Variants in DSCAM observed in about 807,000 individuals in gnomAD.
The protein encoded by DSCAM is cell adhesion molecule DSCAM.
DSCAM carries 47 observed loss-of-function variants against 217.7 expected under a neutral mutation model. The observed-to-expected ratio is 0.22, with a 90% CI of 0.17 to 0.28. The LOEUF is 0.28. DSCAM is among the 10% of genes least tolerant of loss of function. The pLI, the probability that DSCAM is intolerant of heterozygous loss-of-function variation, is 1.00. For synonymous variants in DSCAM, 1,056 were observed against 1,015.3 expected (o/e 1.04, Z -0.76); for missense variants, 2,080 against 2,618.3 (o/e 0.79, Z 4.49).
rs1204136902 is a variant in DSCAM at position 40,846,760 on chromosome 21, GGCCGCCGCCCGCCCGCCGCCC to G, written c.-120_-100del. 2 of 489,618 alleles carry G rather than the reference GGCCGCCGCCCGCCCGCCGCCC, an allele frequency of 4.1e-6. No individual in the cohort carries two copies. Among genetic ancestry groups the G allele is most frequent in the Non-Finnish European group, 5.3e-6 (2 of 378,800 alleles). 30.3% of individuals were successfully genotyped at this position (489,618 alleles called of 1,614,324 possible). On this transcript the variant is annotated 5_prime_UTR_variant, in exon 1 of 33. Transcript: ENST00000400454. ...GCTCGCCGCTCGGCACCTGCCCGGG[GGCCGCCGCCCGCCCGCCGCCC>G]GCCGCCGCCGCCGCCGCTGCCTAGC... is the stretch of plus-strand genomic sequence containing the variant.
At chr21:40,767,466 C>T (rs2091403691) in intron 1 of DSCAM, among the ~76,000 whole-genome samples, 1 of 152,170 alleles carries the variant, frequency 6.6e-6, no homozygotes, top group Non-Finnish European at 1.5e-5. Context: ...CCTGCACCTT[C>T]GCCTGATGCC....
chr21:40,289,394 T>C (rs1569043777), intron 10 of DSCAM, among the ~76,000 whole-genome samples: 1 of 152,140 alleles, frequency 6.6e-6, no homozygotes, highest in Non-Finnish European at 1.5e-5. Context: ...ATTTTAGAAG[T>C]AGGGTTAGCT....
intron 3 of DSCAM, among the ~76,000 whole-genome samples, chr21:40,475,570 C>T (rs1036464016): frequency 1.3e-5 from 2 of 152,184 alleles, no homozygotes; most frequent in Non-Finnish European, 2.9e-5. Flanking sequence ...TCAGCCTGGC[C>T]GGGCGCAGTG....
At chr21:40,360,177 G>T (rs886445343) in intron 4 of DSCAM, among the ~76,000 whole-genome samples, 1 of 119,044 alleles carries the variant, frequency 8.4e-6, no homozygotes, top group Non-Finnish European at 1.6e-5. Context: ...AGTTGCCCAC[G>T]CTAGAGTGCA....
intron 1 of DSCAM, among the ~76,000 whole-genome samples, chr21:40,738,032 C>T (rs1052126250): frequency 3.9e-5 from 6 of 152,180 alleles, no homozygotes; most frequent in Non-Finnish European, 8.8e-5. Flanking sequence ...GTGGCTCCTA[C>T]TAGTGGGAGG....
rs181788366 is a variant in DSCAM, at chr21:40,429,665, T to C, written c.509-60420A>G. 2.0e-5 allele frequency among the ~76,000 whole-genome samples: 3 copies of C among 152,366 alleles called. No individual in the cohort carries two copies. In the East Asian group the frequency reaches 5.8e-4, roughly 29 times the overall value. ...TTTGGAAAGTTGTTAAACGCCCTTG[T>C]ACTTCAGGTCCTTATAATGTCAGTA... is the stretch of plus-strand genomic sequence containing the variant. On this transcript the variant is annotated intron_variant, in intron 3 of 32. Transcript: ENST00000400454.
chr21:40,729,503 G>T (rs1400379597), intron 1 of DSCAM, among the ~76,000 whole-genome samples: 1 of 152,168 alleles, frequency 6.6e-6, no homozygotes, highest in Non-Finnish European at 1.5e-5. Context: ...AGTCCTTGGA[G>T]CTCATCTAAA....
chr21:40,817,341 C>A (rs1339134294), intron 1 of DSCAM, among the ~76,000 whole-genome samples: 1 of 152,160 alleles, frequency 6.6e-6, no homozygotes, highest in Admixed American at 6.6e-5. Flanking sequence ...GAACAGGCCA[C>A]TTTCAAGGCA....
intron 3 of DSCAM, among the ~76,000 whole-genome samples, chr21:40,515,765 T>C: frequency 6.6e-6 from 1 of 152,162 alleles, no homozygotes; most frequent in Admixed American, 6.5e-5. Flanking sequence ...GTAGGCAATG[T>C]TAACTGATTT....
At chr21:40,650,969 T>C (rs768829878) in intron 3 of DSCAM, among the ~76,000 whole-genome samples, 61 of 152,072 alleles carry the variant, frequency 4.0e-4, no homozygotes, top group Non-Finnish European at 6.8e-4. Flanking sequence ...AGGCAGGAGC[T>C]TGGTTTAGGA....
intron 20 of DSCAM, among the ~76,000 whole-genome samples, chr21:40,108,902 G>A (rs183759178): frequency 6.6e-6 from 1 of 152,264 alleles, no homozygotes; most frequent in Admixed American, 6.5e-5. Flanking sequence ...AATGGGGAAA[G>A]GACTCCCTAT....
intron 1 of DSCAM, among the ~76,000 whole-genome samples, chr21:40,824,024 C>T (rs941364061): frequency 3.3e-5 from 5 of 152,114 alleles, no homozygotes; most frequent in African/African-American, 1.2e-4. Context: ...CTATCCACAG[C>T]TTTAGTTTAA....
chr21:40,771,546 G>T (rs192331756), intron 1 of DSCAM, among the ~76,000 whole-genome samples: 24 of 152,326 alleles, frequency 1.6e-4, no homozygotes, highest in Admixed American at 2.6e-4. Context: ...TTTCTGCAAA[G>T]AGCACTTGCG....
At chr21:40,371,731 A>G (rs745842955) in intron 3 of DSCAM, among the ~76,000 whole-genome samples, 1 of 152,182 alleles carries the variant, frequency 6.6e-6, no homozygotes, top group Non-Finnish European at 1.5e-5. Flanking sequence ...GATTGTCTTA[A>G]GCATTTTTTG....
intron 9 of DSCAM, among the ~76,000 whole-genome samples, chr21:40,300,004 C>A (rs1411820949): frequency 6.6e-6 from 1 of 151,998 alleles, no homozygotes; most frequent in Non-Finnish European, 1.5e-5. Flanking sequence ...ATCCTTTGAC[C>A]CCTCCCAGAA....
At position 40,395,937 on chromosome 21, in the gene DSCAM, C is replaced by T. The variant is rs188782152; in HGVS notation, c.509-26692G>A. On this transcript the variant is annotated intron_variant, in intron 3 of 32. Coordinates refer to ENST00000400454, the MANE Select transcript of DSCAM (RefSeq NM_001389.5). ...CCTCACAGCCCATCAGCCATCAGTTCGGAATGTCAAATCTGATTACAGTGT... is the reference window on the plus strand; with the variant it reads ...CCTCACAGCCCATCAGCCATCAGTTTGGAATGTCAAATCTGATTACAGTGT... Among the ~76,000 whole-genome samples, 286 of 152,226 alleles carry T rather than the reference C, an allele frequency of 1.9e-3. 2 individuals are homozygous for T. The highest frequency in any genetic ancestry group is 6.8e-3 in the African/African-American group (281 of 41,520).
chr21:40,419,934 G>A (rs2075407084), intron 3 of DSCAM, among the ~76,000 whole-genome samples: 1 of 151,970 alleles, frequency 6.6e-6, no homozygotes, highest in African/African-American at 2.4e-5. Context: ...AAAAAGTTTG[G>A]ATAAGTATAT....
intron 10 of DSCAM, among the ~76,000 whole-genome samples, chr21:40,287,999 A>C (rs1017100568): frequency 6.6e-6 from 1 of 152,218 alleles, no homozygotes; most frequent in African/African-American, 2.4e-5. Context: ...GAAGAAATAG[A>C]GTCACACACC....
chr21:40,044,889 C>T (rs78583266), intron 30 of DSCAM, among the ~76,000 whole-genome samples: 6,789 of 152,264 alleles, frequency 0.045, 310 homozygotes, highest in African/African-American at 0.12. Context: ...GCGTGAATCA[C>T]GTCCCCCCAA....
Sources: gnomAD v4.1 joint callset for allele counts (sites outside exome capture counted in the v4.1 genomes callset) on GRCh38, gnomAD v4.1.1 for gene constraint, MANE v1.5 for transcripts, NCBI Gene and HGNC (gene_info 2026-07-23, HGNC 2026-07-21) for gene names.